MMP26: variants seen among roughly 807,000 people sequenced by gnomAD.
The protein encoded by MMP26 is matrix metallopeptidase 26, also known as matrix metalloproteinase-26.
Under a neutral mutation model 31.0 loss-of-function variants are expected in MMP26, and 33 were observed. That is an observed-to-expected ratio of 1.06 (90% CI 0.81 to 1.42). The LOEUF (loss-of-function observed/expected upper bound fraction) is 1.42. MMP26 is among the 40% of genes most tolerant of loss of function. The pLI, the probability that MMP26 is intolerant of heterozygous loss-of-function variation, is 0.00. For synonymous variants in MMP26, 122 were observed against 114.9 expected, an observed-to-expected ratio of 1.06 and a Z score of -0.40; for missense variants, 347 against 316.1, an observed-to-expected ratio of 1.10 and a Z score of -0.74.
chr11:4,833,728 CAT>C (rs1849677240), intron 2 of MMP26, among the ~76,000 whole-genome samples: 1 of 152,098 alleles, frequency 6.6e-6, no homozygotes, highest in South Asian at 2.1e-4. Context: ...GAAAGGGAAA[CAT>C]AGAGACTATG....
chr11:4,896,899 C>T lies in MMP26; in HGVS notation c.-144-91169C>T, dbSNP rs114543801. On this transcript the variant is annotated intron_variant, in intron 2 of 7. Coordinates refer to ENST00000380390, the MANE Select transcript of MMP26 (RefSeq NM_021801.5). ...GAAACTTTCCTACTACATGCAAATA[C>T]ATTAAGATGGCTATTTCTTCTTGAT... 7.5e-3 allele frequency among the ~76,000 whole-genome samples: 1,145 copies of T among 152,178 alleles called. 18 individuals are homozygous for T. Among genetic ancestry groups the T allele is most frequent in the African/African-American group, 0.025 (1,032 of 41,506 alleles).
chr11:4,927,615 T>G (rs1851290677), intron 2 of MMP26, among the ~76,000 whole-genome samples: 1 of 152,090 alleles, frequency 6.6e-6, no homozygotes, highest in Non-Finnish European at 1.5e-5. Context: ...TATGTGCTTC[T>G]GCTTGCAATG....
chr11:4,971,815 G>A lies in MMP26; in HGVS notation c.-144-16253G>A, dbSNP rs554013598. The stretch of plus-strand genomic sequence containing the variant: ...CTACTCATTGGTGGAAGGGGAAAGG[G>A]AGAAGGTATCACAGGCAAGAGGAAG... On this transcript the variant is annotated intron_variant, in intron 2 of 7. Coordinates refer to ENST00000380390, the MANE Select transcript of MMP26 (RefSeq NM_021801.5). Among the ~76,000 whole-genome samples the A allele has an allele frequency of 5.9e-5, 9 of 152,256 alleles. No homozygotes were observed. In the South Asian group the frequency reaches 1.9e-3, roughly 31 times the overall value.
In MMP26 at chr11:4,769,913, T is replaced by G. The variant is rs769141697; in HGVS notation, c.-145+2572T>G. ...TTTAGATGTTGAGTTGCTTAGGATT[T>G]CCATGGTGTCCTGGTTTTGCAGCAT... On this transcript the variant is annotated intron_variant, in intron 2 of 7. Transcript: ENST00000380390. The G allele has an allele frequency of 1.5e-5, 24 of 1,571,448 alleles. No homozygotes were observed. The African/African-American group carries it at 3.2e-4, about 21-fold the overall frequency.
intron 2 of MMP26, chr11:4,908,947 G>A (rs1001508307): frequency 2.0e-5 from 3 of 153,810 alleles, no homozygotes. Flanking sequence ...CAATAATCCT[G>A]CTGTGAAGTG....
intron 2 of MMP26, among the ~76,000 whole-genome samples, chr11:4,810,315 G>A (rs972503832): frequency 2.4e-5 from 3 of 124,482 alleles, no homozygotes; most frequent in Middle Eastern, 4.4e-3. Context: ...TATGTAAGTC[G>A]AGTCGATGTG....
chr11:4,931,783 C>T (rs1851351232), intron 2 of MMP26, among the ~76,000 whole-genome samples: 1 of 151,932 alleles, frequency 6.6e-6, no homozygotes, highest in Admixed American at 6.6e-5. Flanking sequence ...AGAGAAATGG[C>T]ATTTTTCTTA....
chr11:4,914,548 C>A (rs920813052), intron 2 of MMP26: 3 of 554,506 alleles, frequency 5.4e-6, no homozygotes, highest in South Asian at 2.9e-5. Context: ...CATTTTACCC[C>A]CCCCTGCCCT....
chr11:4,720,087 TCCA>T (rs1417362488), intron 1 of MMP26, among the ~76,000 whole-genome samples: 1 of 152,196 alleles, frequency 6.6e-6, no homozygotes, highest in African/African-American at 2.4e-5. Context: ...CTCCTTGACC[TCCA>T]CATTTAACAG....
chr11:4,822,152 C>G lies in MMP26; in HGVS notation c.-145+54811C>G, dbSNP rs201265205. ...AGGCGGAAAGCCTTCAACACCTGCA[C>G]ATCCCACATCAGTGCTGTTTCCATC... On this transcript the variant is annotated intron_variant, in intron 2 of 7. Coordinates refer to ENST00000380390, the MANE Select transcript of MMP26 (RefSeq NM_021801.5). 324 of 1,613,308 alleles carry G rather than the reference C, an allele frequency of 2.0e-4. 3 individuals are homozygous for G. In the South Asian group the frequency reaches 3.4e-3, roughly 17 times the overall value.
intron 1 of MMP26, among the ~76,000 whole-genome samples, chr11:4,766,715 C>CCCTCCCTCCCTCCCTTCCTT (rs146904358): frequency 8.8e-6 from 1 of 113,966 alleles, no homozygotes; most frequent in Non-Finnish European, 1.8e-5. Context: ...CTCCCTCCCT[C>CCCTCCCTCCCTCCCTTCCTT]CCTTCCTTCC....
chr11:4,868,653 T>C (rs1442147968), intron 2 of MMP26, among the ~76,000 whole-genome samples: 4 of 152,166 alleles, frequency 2.6e-5, no homozygotes, highest in Non-Finnish European at 5.9e-5. Context: ...CAACGTAATT[T>C]ACAGATTCAA....
rs765927830 is a variant in MMP26, at chr11:4,717,326, G to A, written c.-217+12281G>A. On this transcript the variant is annotated intron_variant, in intron 1 of 7. Coordinates refer to ENST00000380390, the MANE Select transcript of MMP26 (RefSeq NM_021801.5). The stretch of plus-strand genomic sequence containing the variant: ...CGGCTTGCACTCAGTAATGTTTGAT[G>A]TTAAACAAAGCTAACATCCAAGATA... 2.6e-5 allele frequency among the ~76,000 whole-genome samples: 4 copies of A among 152,274 alleles called. No homozygotes were observed. The South Asian group carries it at 8.3e-4, about 32-fold the overall frequency.
At chr11:4,716,650 C>CTTTTTTTTTTTTTTTTTTTTTTTT (rs71050424) in intron 1 of MMP26, among the ~76,000 whole-genome samples, 2 of 65,004 alleles carry the variant, frequency 3.1e-5, no homozygotes, top group African/African-American at 1.4e-4. Context: ...TCTCTTACCT[C>CTTTTTTTTTTTTTTTTTTTTTTTT]TTTTTTTTTT....
At chr11:4,863,038 T>A in intron 2 of MMP26, among the ~76,000 whole-genome samples, 1 of 152,168 alleles carries the variant, frequency 6.6e-6, no homozygotes, top group Non-Finnish European at 1.5e-5. Context: ...CAGGTGGAAA[T>A]GACCAGCTGG....
At chr11:4,713,607 A>G (rs1847889462) in intron 1 of MMP26, among the ~76,000 whole-genome samples, 1 of 152,152 alleles carries the variant, frequency 6.6e-6, no homozygotes, top group South Asian at 2.1e-4. Context: ...TATTACCAGT[A>G]CAAAGTCCTA....
intron 1 of MMP26, among the ~76,000 whole-genome samples, chr11:4,712,668 A>C (rs962285208): frequency 6.6e-6 from 1 of 152,166 alleles, no homozygotes; most frequent in African/African-American, 2.4e-5. Context: ...TCATGCTTTA[A>C]TAATGTAATT....
intron 2 of MMP26, among the ~76,000 whole-genome samples, chr11:4,771,091 A>G (rs994026966): frequency 7.2e-5 from 11 of 152,194 alleles, no homozygotes; most frequent in Non-Finnish European, 1.0e-4. Flanking sequence ...GAAGTAGGCC[A>G]TGTCTAAAGA....
chr11:4,878,371 T>G (rs1198543813), intron 2 of MMP26, among the ~76,000 whole-genome samples: 2 of 152,128 alleles, frequency 1.3e-5, no homozygotes, highest in Non-Finnish European at 2.9e-5. Context: ...TGTGTATTTA[T>G]TTATATATTT....
Sources: allele counts gnomAD v4.1 joint callset (sites outside exome capture counted in the v4.1 genomes callset), GRCh38; gene constraint gnomAD v4.1.1; transcripts MANE v1.5; gene names NCBI Gene and HGNC (gene_info 2026-07-23, HGNC 2026-07-21).